MAML3: variants seen among roughly 807,000 people sequenced by gnomAD.
MAML3 encodes the protein mastermind-like protein 3.
MAML3 carries 27 observed loss-of-function variants against 101.9 expected under a neutral mutation model. The ratio of observed to expected loss-of-function variants is 0.27; its 90% CI spans 0.20 to 0.37. MAML3 has a LOEUF of 0.37. Among genes scored for constraint, MAML3 ranks in the 10% least tolerant of loss-of-function variants. MAML3 has a pLI of 1.00. For missense variants in MAML3, 1,316 were observed against 1,444.9 expected (o/e 0.91, Z 1.45); for synonymous variants, 501 against 555.9 (o/e 0.90, Z 1.39).
chr4:140,078,901 G>T (rs1479894682), intron 1 of MAML3, among the ~76,000 whole-genome samples: 1 of 152,168 alleles, frequency 6.6e-6, no homozygotes, highest in African/African-American at 2.4e-5. Flanking sequence ...AGAGACCATT[G>T]TCACAGGAGG....
intron 2 of MAML3, among the ~76,000 whole-genome samples, chr4:139,793,044 C>T (rs1730447858): frequency 6.6e-6 from 1 of 152,150 alleles, no homozygotes; most frequent in South Asian, 2.1e-4. Context: ...CCGCGCCCGG[C>T]AGAACTGGTT....
intron 2 of MAML3, among the ~76,000 whole-genome samples, chr4:139,814,020 A>G (rs1459318731): frequency 2.9e-5 from 3 of 104,746 alleles, no homozygotes; most frequent in African/African-American, 1.3e-4. Context: ...CAGTACACAA[A>G]CACAAACACA....
At chr4:139,904,702 T>G (rs1732787407) in intron 1 of MAML3, among the ~76,000 whole-genome samples, 1 of 152,226 alleles carries the variant, frequency 6.6e-6, no homozygotes, top group African/African-American at 2.4e-5. Context: ...AAAACTTGCT[T>G]AATGACAAAG....
intron 1 of MAML3, among the ~76,000 whole-genome samples, chr4:140,086,940 A>T (rs937435820): frequency 2.0e-5 from 3 of 152,198 alleles, no homozygotes; most frequent in African/African-American, 7.2e-5. Context: ...TGGGTGGATC[A>T]CCTGAGATCA....
chr4:139,810,185 A>ATTTTT (rs757041549), intron 2 of MAML3, among the ~76,000 whole-genome samples: 10 of 114,618 alleles, frequency 8.7e-5, no homozygotes, highest in South Asian at 2.8e-4. Flanking sequence ...ACCAAAATTG[A>ATTTTT]TTTTTTTTTT....
At position 139,890,506 on chromosome 4, in the gene MAML3, T is replaced by C. The variant is rs1732455085; in HGVS notation, c.930A>G (p.Gln310=). The C allele has an allele frequency of 6.2e-7, 1 of 1,613,938 alleles. No individual in the cohort carries two copies. Among genetic ancestry groups the C allele is most frequent in the Non-Finnish European group, 8.5e-7 (1 of 1,179,908 alleles). Residue 310 remains glutamine, a synonymous_variant, in exon 2 of 5, where the codon CAA becomes CAG. Coordinates refer to ENST00000509479, the MANE Select transcript of MAML3 (RefSeq NM_018717.5). The surrounding 1 kb of genome is among the most constrained non-coding windows in gnomAD (Gnocchi z 4.1). ...TGTTGGCCAATTCATCTATTAATTC[T>C]TGCCACTCCTGATCATTCAGATTAA... The part of the protein sequence containing the change: ...SDINLNDQEW[Q]ELIDELANTV...
rs190015832 is a variant in MAML3, at chr4:139,945,013, G to A, written c.469-54046C>T. ...ACACATGCACACGTATGTTTATTGCGGCATTATTCACAATAGCAAAGAGTT... is the reference window on the plus strand; with the variant it reads ...ACACATGCACACGTATGTTTATTGCAGCATTATTCACAATAGCAAAGAGTT... On this transcript the variant is annotated intron_variant, in intron 1 of 4. Coordinates refer to ENST00000509479, the MANE Select transcript of MAML3 (RefSeq NM_018717.5). 8.2e-3 allele frequency among the ~76,000 whole-genome samples: 1,253 copies of A among 151,944 alleles called. 12 individuals are homozygous for A. Among genetic ancestry groups the A allele is most frequent in the Non-Finnish European group, 0.014 (948 of 67,988 alleles).
chr4:140,122,724 G>A lies in MAML3; in HGVS notation c.468+30136C>T, dbSNP rs1465905173. The stretch of plus-strand genomic sequence containing the variant: ...GGAGAATGGCGTGAACCCGGGAGGC[G>A]GAGCTTGCAGTGAGCTGAGATCCCG... On this transcript the variant is annotated intron_variant, in intron 1 of 4. Coordinates refer to ENST00000509479, the MANE Select transcript of MAML3 (RefSeq NM_018717.5). 5.3e-5 allele frequency among the ~76,000 whole-genome samples: 8 copies of A among 150,504 alleles called. No homozygotes were observed. The South Asian group carries it at 8.4e-4, about 16-fold the overall frequency.
chr4:139,877,604 A>T (rs535729827), intron 2 of MAML3, among the ~76,000 whole-genome samples: 7 of 152,336 alleles, frequency 4.6e-5, no homozygotes, highest in African/African-American at 1.7e-4. Context: ...GAATTTACTA[A>T]AAAATAAACA....
At chr4:139,819,308 C>CA (rs1341502965) in intron 2 of MAML3, among the ~76,000 whole-genome samples, 1 of 152,104 alleles carries the variant, frequency 6.6e-6, no homozygotes, top group African/African-American at 2.4e-5. Flanking sequence ...AGAGAAAGAA[C>CA]AGTGTTCCTG....
chr4:139,988,020 CAAAAAAAAA>C (rs71593735), intron 1 of MAML3, among the ~76,000 whole-genome samples: 1 of 31,440 alleles, frequency 3.2e-5, no homozygotes, highest in African/African-American at 1.2e-4. Context: ...AACTCCGTCT[CAAAAAAAAA>C]AAAAAAAAAA....
intron 2 of MAML3, among the ~76,000 whole-genome samples, chr4:139,833,825 C>T (rs1731213102): frequency 6.6e-6 from 1 of 152,026 alleles, no homozygotes; most frequent in South Asian, 2.1e-4. Flanking sequence ...GGGGGCTCTC[C>T]ACCAGCTCTT....
intron 1 of MAML3, among the ~76,000 whole-genome samples, chr4:140,084,129 T>C (rs574605975): frequency 1.2e-3 from 180 of 152,316 alleles, no homozygotes; most frequent in African/African-American, 3.9e-3. Flanking sequence ...AAGTATTTAT[T>C]GGATGAATGC....
At chr4:139,992,370 G>C (rs1734695737) in intron 1 of MAML3, among the ~76,000 whole-genome samples, 1 of 152,120 alleles carries the variant, frequency 6.6e-6, no homozygotes, top group African/African-American at 2.4e-5. Flanking sequence ...TGGCCTTAGA[G>C]TAGCATGGCT....
chr4:139,822,950 G>T (rs890849363), intron 2 of MAML3, among the ~76,000 whole-genome samples: 1 of 152,158 alleles, frequency 6.6e-6, no homozygotes, highest in South Asian at 2.1e-4. Context: ...CAGGGGCCTG[G>T]GGGTATTTAT....
chr4:139,865,503 T>TG (rs1553961175), intron 2 of MAML3, among the ~76,000 whole-genome samples: 3 of 149,732 alleles, frequency 2.0e-5, no homozygotes, highest in Non-Finnish European at 3.0e-5. Flanking sequence ...TTTGTTTTTT[T>TG]TTTTTTTCAT....
intron 1 of MAML3, among the ~76,000 whole-genome samples, chr4:139,977,895 A>C (rs1734375114): frequency 6.9e-6 from 1 of 145,504 alleles, no homozygotes; most frequent in South Asian, 2.2e-4. Context: ...AACAAAAAAC[A>C]AAAAAAAAAC....
rs1194223811 is a variant in MAML3 at position 139,718,034 on chromosome 4, A to AT, written c.*1288dup. ...TTTTTAGCTCCTCCACCTCTCTGGG[A>AT]TTTTATATTTGTCTTTCTGATGAGT... On this transcript the variant is annotated 3_prime_UTR_variant, in exon 5 of 5. Transcript: ENST00000509479. 1 of 151,948 alleles carries AT rather than the reference A, an allele frequency of 6.6e-6. No individual in the cohort carries two copies. Among genetic ancestry groups the AT allele is most frequent in the Non-Finnish European group, 1.5e-5 (1 of 67,988 alleles). The allele number at this position is 151,948 out of a possible 1,614,324, so 9.4% of individuals were successfully genotyped here.
At chr4:140,073,921 CAA>C (rs1208684210) in intron 1 of MAML3, among the ~76,000 whole-genome samples, 1 of 151,756 alleles carries the variant, frequency 6.6e-6, no homozygotes, top group Non-Finnish European at 1.5e-5. Context: ...ATCACGAGGT[CAA>C]GAGATCAAGA....
Sources: gnomAD v4.1 joint callset for allele counts (sites outside exome capture counted in the v4.1 genomes callset) on GRCh38, gnomAD v4.1.1 for gene constraint, Gnocchi (gnomAD v3.1) non-coding constraint, MANE v1.5 for transcripts, NCBI Gene and HGNC (gene_info 2026-07-23, HGNC 2026-07-21) for gene names.